PLCE1: variants seen among roughly 807,000 people sequenced by gnomAD.
PLCE1 encodes 1-phosphatidylinositol 4,5-bisphosphate phosphodiesterase epsilon-1.
Under a neutral mutation model 242.8 loss-of-function variants are expected in PLCE1, and 119 were observed. That is an observed-to-expected ratio of 0.49 (90% CI 0.42 to 0.57). The LOEUF (loss-of-function observed/expected upper bound fraction) is 0.57, where lower values mean the gene tolerates loss of function less well. Among genes scored for constraint, PLCE1 ranks in the 20% least tolerant of loss-of-function variants. PLCE1 has a pLI of 0.00. For synonymous variants in PLCE1, 945 were observed against 1,017.4 expected (o/e 0.93, Z 1.35); for missense variants, 2,441 against 2,788.8 (o/e 0.88, Z 2.81).
intron 2 of PLCE1, among the ~76,000 whole-genome samples, chr10:94,122,279 TAGTTCAGGCCATTA>T (rs2046322315): frequency 6.6e-6 from 1 of 152,184 alleles, no homozygotes; most frequent in African/African-American, 2.4e-5. Flanking sequence ...AGGAGCCTGG[TAGTTCAGGCCATTA>T]AGTCCCTTCT....
chr10:94,316,116 A>C (rs1327543697), intron 28 of PLCE1, among the ~76,000 whole-genome samples: 1 of 152,204 alleles, frequency 6.6e-6, no homozygotes, highest in South Asian at 2.1e-4. Flanking sequence ...CTTAGACCAC[A>C]TGAGAACCTA....
At chr10:94,304,357 C>A in intron 24 of PLCE1, 125 bp from the exon 25 acceptor site, 1 of 875,610 alleles carries the variant, frequency 1.1e-6, no homozygotes, top group Middle Eastern at 3.2e-4. Flanking sequence ...GGGTGATTAT[C>A]TCTTTTTCAT....
chr10:94,055,365 T>C (rs1294109794), intron 2 of PLCE1, among the ~76,000 whole-genome samples: 1 of 151,674 alleles, frequency 6.6e-6, no homozygotes, highest in Non-Finnish European at 1.5e-5. Context: ...GACTAGAGTG[T>C]GGTGGTGCGA....
chr10:94,225,946 G>GT (rs1352941509), intron 4 of PLCE1, among the ~76,000 whole-genome samples: 1 of 152,232 alleles, frequency 6.6e-6, no homozygotes, highest in East Asian at 1.9e-4. Context: ...CCAGAGAAAA[G>GT]TGTTGCTGTC....
chr10:94,061,666 C>T (rs976401573), intron 2 of PLCE1, among the ~76,000 whole-genome samples: 2 of 149,536 alleles, frequency 1.3e-5, no homozygotes, highest in Non-Finnish European at 3.0e-5. Flanking sequence ...CTGGGCAACA[C>T]AGAGCAACCT....
In PLCE1 at chr10:94,033,814, A is replaced by G. The variant is rs2061610874; in HGVS notation, c.1206+1562A>G. On this transcript the variant is annotated intron_variant, in intron 2 of 32. Transcript: ENST00000371380. ...TAGAACTCTCACATTCCAATTTTTC[A>G]TAAGTCCTTTAAAACCTGACCCTAG... Among the ~76,000 whole-genome samples, 3 of 152,130 alleles carry G rather than the reference A, an allele frequency of 2.0e-5. No homozygotes were observed. In the South Asian group the frequency reaches 6.2e-4, roughly 32 times the overall value.
chr10:94,306,292 CA>C lies in PLCE1; in HGVS notation c.5623-134del. 6.7e-7 allele frequency: 1 copy of C among 1,488,158 alleles called. No homozygotes were observed. Among genetic ancestry groups the C allele is most frequent in the Non-Finnish European group, 9.3e-7 (1 of 1,071,422 alleles). The allele number at this position is 1,488,158 out of a possible 1,614,324, so 92.2% of individuals were successfully genotyped here. A position where few individuals can be genotyped will look rare whatever the true frequency, so the allele number is the denominator to read the frequency against. ...GCCCTACAATCACTTACTTTTTAAA[CA>C]GTTTTATTCATCATTCACTTTGTCC... is the stretch of plus-strand genomic sequence containing the variant. On this transcript the variant is annotated intron_variant, in intron 25 of 32. Coordinates refer to ENST00000371380, the MANE Select transcript of PLCE1 (RefSeq NM_016341.4). This position sits in a 1 kb window ranked among gnomAD's most constrained non-coding sequence, Gnocchi z 5.7.
intron 7 of PLCE1, among the ~76,000 whole-genome samples, chr10:94,238,618 C>A (rs767292025): frequency 3.9e-5 from 6 of 152,224 alleles, no homozygotes; most frequent in African/African-American, 7.2e-5. Context: ...TTAATAATTA[C>A]TTTTTTATTT....
At chr10:94,048,972 T>G (rs1333263859) in intron 2 of PLCE1, among the ~76,000 whole-genome samples, 34 of 151,816 alleles carry the variant, frequency 2.2e-4, no homozygotes, top group Admixed American at 2.2e-3. Context: ...CTGTGTTGCC[T>G]AGGCTGGTCT....
At chr10:94,020,042 A>C (rs1262485766) in intron 1 of PLCE1, among the ~76,000 whole-genome samples, 4 of 152,184 alleles carry the variant, frequency 2.6e-5, no homozygotes, top group African/African-American at 9.7e-5. Flanking sequence ...TTGGATTGTA[A>C]AATGTATTTA....
intron 8 of PLCE1, among the ~76,000 whole-genome samples, chr10:94,249,823 G>A (rs1347671076): frequency 1.3e-5 from 2 of 152,046 alleles, no homozygotes; most frequent in African/African-American, 2.4e-5. Flanking sequence ...CAGAACTGAT[G>A]GCCCATAATC....
intron 29 of PLCE1, among the ~76,000 whole-genome samples, chr10:94,320,514 T>C (rs1285501479): frequency 6.6e-6 from 1 of 152,178 alleles, no homozygotes; most frequent in Non-Finnish European, 1.5e-5. Flanking sequence ...TGGGTACAAT[T>C]CTAGTTGGAA....
At chr10:94,017,961 A>G (rs2061310457) in intron 1 of PLCE1, among the ~76,000 whole-genome samples, 1 of 152,184 alleles carries the variant, frequency 6.6e-6, no homozygotes, top group African/African-American at 2.4e-5. Flanking sequence ...AAAGACTGTA[A>G]TGTAAGAATG....
intron 1 of PLCE1, among the ~76,000 whole-genome samples, chr10:94,017,595 C>T (rs1310127994): frequency 1.3e-5 from 2 of 152,022 alleles, no homozygotes; most frequent in African/African-American, 4.8e-5. Flanking sequence ...ACTGGAGGGC[C>T]ACTGAAGGCC....
chr10:94,134,693 G>A (rs1400667830), intron 3 of PLCE1, among the ~76,000 whole-genome samples: 1 of 152,186 alleles, frequency 6.6e-6, no homozygotes, highest in African/African-American at 2.4e-5. Context: ...ACAGGTCTGT[G>A]GAGAGAAATA....
At chr10:94,037,969 T>A (rs1043043305) in intron 2 of PLCE1, among the ~76,000 whole-genome samples, 2 of 152,154 alleles carry the variant, frequency 1.3e-5, no homozygotes, top group African/African-American at 2.4e-5. Context: ...ATAATGGGAA[T>A]TAGCAGCTGG....
At chr10:94,236,660 A>G (rs889416674) in intron 7 of PLCE1, among the ~76,000 whole-genome samples, 2 of 152,248 alleles carry the variant, frequency 1.3e-5, no homozygotes, top group African/African-American at 4.8e-5. Flanking sequence ...GTGTGTTAAA[A>G]TTAACCCTAC....
chr10:94,061,667 A>T (rs975269682), intron 2 of PLCE1, among the ~76,000 whole-genome samples: 3 of 152,148 alleles, frequency 2.0e-5, no homozygotes, highest in Non-Finnish European at 4.4e-5. Flanking sequence ...TGGGCAACAC[A>T]GAGCAACCTT....
chr10:94,164,320 G>C (rs1407015419), intron 3 of PLCE1, among the ~76,000 whole-genome samples: 1 of 152,108 alleles, frequency 6.6e-6, no homozygotes, highest in Non-Finnish European at 1.5e-5. Flanking sequence ...TTTTCACATA[G>C]TCCCATATTT....
Sources: allele counts gnomAD v4.1 joint callset (sites outside exome capture counted in the v4.1 genomes callset), GRCh38; gene constraint gnomAD v4.1.1; non-coding constraint Gnocchi (gnomAD v3.1); transcripts MANE v1.5; gene names NCBI Gene and HGNC (gene_info 2026-07-23, HGNC 2026-07-21).